SRP54: variants seen among roughly 807,000 people sequenced by gnomAD.
SRP54 encodes signal recognition particle 54.
Under a neutral mutation model 64.8 loss-of-function variants are expected in SRP54, and 10 were observed. The observed-to-expected ratio is 0.15, with a 90% CI of 0.10 to 0.26. The LOEUF (loss-of-function observed/expected upper bound fraction) is 0.26. Ranked by LOEUF, SRP54 falls within the 10% of genes least tolerant of loss-of-function variation. The probability of loss-of-function intolerance (pLI) is 1.00; values close to 1 mark genes in which losing one functional copy is unlikely to be tolerated. For synonymous variants in SRP54, 193 were observed against 185.6 expected (o/e 1.04, Z -0.32); for missense variants, 325 against 613.7 (o/e 0.53, Z 4.97).
intron 1 of SRP54, among the ~76,000 whole-genome samples, chr14:34,990,267 A>G (rs2043959458): frequency 6.6e-6 from 1 of 152,202 alleles, no homozygotes; most frequent in African/African-American, 2.4e-5. Context: ...AGGAATATAC[A>G]TCTTTAAATA....
chr14:34,986,419 A>G (rs1158846820), intron 1 of SRP54, among the ~76,000 whole-genome samples: 3 of 152,164 alleles, frequency 2.0e-5, no homozygotes, highest in Non-Finnish European at 4.4e-5. Flanking sequence ...TAGGTGTTTA[A>G]TGAATGAGTA....
chr14:34,998,686 G>A (rs970183169), intron 2 of SRP54, among the ~76,000 whole-genome samples: 3 of 151,676 alleles, frequency 2.0e-5, no homozygotes, highest in Non-Finnish European at 2.9e-5. Context: ...GGTGGCAGGC[G>A]CCTGTAATCC....
intron 9 of SRP54, 118 bp downstream of exon 9, chr14:35,013,612 A>G (rs533071849): frequency 3.0e-5 from 38 of 1,283,646 alleles, no homozygotes; most frequent in African/African-American, 1.4e-4. Context: ...AATATGGTTT[A>G]TAAAGAAAGT....
chr14:35,014,183 A>G lies in SRP54; in HGVS notation c.886+281A>G, dbSNP rs115618941. On this transcript the variant is annotated intron_variant, in intron 10 of 15. Transcript: ENST00000216774. The stretch of plus-strand genomic sequence containing the variant: ...ATGTAAGGGCAGTAATACTTTGGCA[A>G]TGTCTCAAGGTGGTATAGTTAGAGA... 3.2e-3 allele frequency among the ~76,000 whole-genome samples: 481 copies of G among 152,066 alleles called. 5 individuals carry two copies. The highest frequency in any genetic ancestry group is 0.011 in the African/African-American group (448 of 41,504).
intron 11 of SRP54, among the ~76,000 whole-genome samples, chr14:35,017,205 C>G (rs1351129815): frequency 6.6e-6 from 1 of 152,152 alleles, no homozygotes; most frequent in Non-Finnish European, 1.5e-5. Flanking sequence ...TCTGCTACCA[C>G]TATGAAGCTG....
chr14:35,000,957 G>A lies in SRP54; in HGVS notation c.192G>A (p.Glu64=), dbSNP rs2044160783. The change falls in exon 4 of 16, where the codon GAG becomes GAA. Residue 64 remains glutamate, a synonymous_variant. Coordinates refer to ENST00000216774, the MANE Select transcript of SRP54 (RefSeq NM_003136.4). ...AAAGGTCTGCTATTGATCTTGAAGA[G>A]ATGGCATCTGGTCTTAACAAAAGAA... The part of the protein sequence containing the change: ...ENVKSAIDLE[E]MASGLNKRKM... 3 of 1,593,084 alleles carry A rather than the reference G, an allele frequency of 1.9e-6. No individual in the cohort carries two copies. Among genetic ancestry groups the A allele is most frequent in the Non-Finnish European group, 2.6e-6 (3 of 1,170,858 alleles).
chr14:34,999,542 ATTTC>A lies in SRP54; in HGVS notation c.79-12_79-9del, dbSNP rs769584313. On this transcript the variant is annotated splice_polypyrimidine_tract_variant and intron_variant, in intron 2 of 15. Coordinates refer to ENST00000216774, the MANE Select transcript of SRP54 (RefSeq NM_003136.4). The stretch of plus-strand genomic sequence containing the variant: ...ACATTGGGTGCTTTAAATTTCATTT[ATTTC>A]TTTATTTTCAGGTATTGAATGCTAT... The A allele has an allele frequency of 1.3e-6, 2 of 1,588,364 alleles. No homozygotes were observed. Among genetic ancestry groups the A allele is most frequent in the South Asian group, 2.2e-5 (2 of 89,658 alleles).
chr14:34,993,789 G>A (rs539083571), intron 1 of SRP54, among the ~76,000 whole-genome samples: 26 of 151,436 alleles, frequency 1.7e-4, no homozygotes, highest in African/African-American at 5.8e-4. Flanking sequence ...TCCACCTCCC[G>A]GGTTCAAGCG....
intron 12 of SRP54, 21 bp downstream of exon 12, chr14:35,018,786 T>C: frequency 1.9e-6 from 3 of 1,589,420 alleles, no homozygotes; most frequent in Non-Finnish European, 2.6e-6. Context: ...CTTAAAACTT[T>C]ATACCTTCTT....
At chr14:35,018,925 A>G (rs2044482488) in intron 12 of SRP54, 41 bp from the exon 13 acceptor site, 3 of 1,562,636 alleles carry the variant, frequency 1.9e-6, no homozygotes, top group Non-Finnish European at 2.6e-6. Context: ...TGAACCATTA[A>G]TCTTAAGCTA....
At chr14:35,025,358 T>C (rs974894549) in intron 14 of SRP54, among the ~76,000 whole-genome samples, 1 of 152,232 alleles carries the variant, frequency 6.6e-6, no homozygotes, top group Non-Finnish European at 1.5e-5. Flanking sequence ...TTCCTTATTT[T>C]CCTTGCGATA....
At chr14:34,995,565 C>T (rs560901747) in intron 1 of SRP54, among the ~76,000 whole-genome samples, 5 of 152,178 alleles carry the variant, frequency 3.3e-5, no homozygotes, top group African/African-American at 9.6e-5. Context: ...ATCATATTTG[C>T]TTGTTTATCA....
intron 2 of SRP54, among the ~76,000 whole-genome samples, 181 bp from the exon 3 acceptor site, chr14:34,999,377 G>A (rs564169406): frequency 3.1e-4 from 47 of 151,966 alleles, no homozygotes; most frequent in Non-Finnish European, 6.0e-4. Context: ...AAACTAAATG[G>A]GGTCTCTTAT....
chr14:35,005,488 C>T (rs919880667), intron 4 of SRP54, among the ~76,000 whole-genome samples: 15 of 152,176 alleles, frequency 9.9e-5, no homozygotes, highest in African/African-American at 3.4e-4. Flanking sequence ...TCTCAAACTC[C>T]TGGGCTCAAG....
At chr14:35,016,840 C>CTTTCTTTTTTT (rs2044447775) in intron 11 of SRP54, among the ~76,000 whole-genome samples, 2 of 71,616 alleles carry the variant, frequency 2.8e-5, no homozygotes, top group Non-Finnish European at 6.0e-5. Context: ...CCTTTTTTTT[C>CTTTCTTTTTTT]TTTTCTTTTT....
In SRP54 at chr14:35,008,662, C is replaced by A; in HGVS notation, c.396C>A (p.Thr132=). ...ATTACCAGAGGAAAGGTTGGAAGAC[C>A]TGTTTAATATGTGCAGACACATTCA... ...AYYYQRKGWK[T]CLICADTFRA... Residue 132 remains threonine, a synonymous_variant, in exon 6 of 16, where the codon ACC becomes ACA. Coordinates refer to ENST00000216774, the MANE Select transcript of SRP54 (RefSeq NM_003136.4). 6.3e-7 allele frequency: 1 copy of A among 1,594,482 alleles called. No individual in the cohort carries two copies. The highest frequency in any genetic ancestry group is 1.3e-5 in the African/African-American group (1 of 74,538).
At chr14:35,014,867 T>A (rs769289885) in intron 11 of SRP54, 37 bp downstream of exon 11, 12 of 1,490,432 alleles carry the variant, frequency 8.1e-6, no homozygotes, top group Middle Eastern at 1.7e-4. Context: ...ATCTCAGATT[T>A]CTTCCATTGA....
At position 34,995,134 on chromosome 14, in the gene SRP54, GGTGTGTGTGT is replaced by G. The variant is rs35829734; in HGVS notation, c.-33-1498_-33-1489del. Reference sequence around the variant, plus strand: ...TTCCAGAGAAGCAGAATCAATAAAGGGTGTGTGTGTGTGTGTGTGTGTGTGTGTGTGTGTG... The same window carrying G: ...TTCCAGAGAAGCAGAATCAATAAAGGGTGTGTGTGTGTGTGTGTGTGTGTG... On this transcript the variant is annotated intron_variant, in intron 1 of 15. Coordinates refer to ENST00000216774, the MANE Select transcript of SRP54 (RefSeq NM_003136.4). 7.9e-3 allele frequency among the ~76,000 whole-genome samples: 554 copies of G among 70,318 alleles called. 8 individuals carry two copies. Among genetic ancestry groups the G allele is most frequent in the Admixed American group, 0.012 (73 of 6,194 alleles). The allele number at this position is 70,318 out of a possible 152,430, so 46.1% of individuals were successfully genotyped here.
chr14:35,014,925 T>A, intron 11 of SRP54, 95 bp downstream of exon 11: 1 of 845,840 alleles, frequency 1.2e-6, no homozygotes, highest in South Asian at 1.7e-5. Flanking sequence ...TAATATCTGT[T>A]AGAGTCAGAT....
Sources: allele counts gnomAD v4.1 joint callset (sites outside exome capture counted in the v4.1 genomes callset), GRCh38; gene constraint gnomAD v4.1.1; transcripts MANE v1.5; gene names NCBI Gene and HGNC (gene_info 2026-07-23, HGNC 2026-07-21).